The following TBC1D19 variants were observed in gnomAD, a reference collection of about 807,000 sequenced individuals.
TBC1D19 encodes TBC1 domain family member 19.
In TBC1D19, 60 loss-of-function variants were observed where a neutral mutation model predicts 89.0. The ratio of observed to expected loss-of-function variants is 0.67; its 90% confidence interval spans 0.55 to 0.84. TBC1D19 has a LOEUF of 0.84. TBC1D19 is among the 40% of genes least tolerant of loss of function. The probability of loss-of-function intolerance (pLI) is 0.00; values close to 1 mark genes in which losing one functional copy is unlikely to be tolerated. For missense variants in TBC1D19, 500 were observed against 610.8 expected (o/e 0.82, Z 1.91); for synonymous variants, 189 against 199.7 (o/e 0.95, Z 0.45).
chr4:26,782,862 G>A, the TBC1D19 span, among the ~76,000 whole-genome samples: 3 of 151,348 alleles, frequency 2.0e-5, no homozygotes, highest in Non-Finnish European at 4.4e-5. Flanking sequence ...TCAGGAAAGA[G>A]AATACAGATT....
intron 3 of TBC1D19, among the ~76,000 whole-genome samples, 186 bp from the exon 4 acceptor site, chr4:26,620,427 C>T (rs965310609): frequency 1.3e-5 from 2 of 152,174 alleles, no homozygotes; most frequent in Admixed American, 6.5e-5. Flanking sequence ...CCACCTTATA[C>T]TTAGTACCTA....
chr4:26,646,959 T>C (rs1257917056), intron 7 of TBC1D19, among the ~76,000 whole-genome samples: 1 of 152,090 alleles, frequency 6.6e-6, no homozygotes, highest in Non-Finnish European at 1.5e-5. Context: ...AAAAGAATAG[T>C]GACTGTACAT....
chr4:26,649,763 C>T (rs1744210273), intron 7 of TBC1D19, among the ~76,000 whole-genome samples: 1 of 151,582 alleles, frequency 6.6e-6, no homozygotes, highest in South Asian at 2.1e-4. Context: ...GCACAACGTG[C>T]AGGTTTGTTA....
intron 3 of TBC1D19, among the ~76,000 whole-genome samples, chr4:26,616,075 A>G (rs1418809223): frequency 1.3e-5 from 2 of 152,114 alleles, no homozygotes; most frequent in Non-Finnish European, 2.9e-5. Context: ...TAAGCAGTCC[A>G]GTGATATTAT....
chr4:26,763,220 C>T, the TBC1D19 span, among the ~76,000 whole-genome samples: 3 of 152,182 alleles, frequency 2.0e-5, no homozygotes, highest in African/African-American at 7.2e-5. Context: ...AAATGGACTT[C>T]CTCCTCAGCC....
intron 14 of TBC1D19, among the ~76,000 whole-genome samples, chr4:26,719,663 T>C (rs1390350288): frequency 6.6e-6 from 1 of 152,152 alleles, no homozygotes; most frequent in East Asian, 1.9e-4. Context: ...ACCATACAGC[T>C]AGTCATTTAA....
chr4:26,762,823 G>T, the TBC1D19 span, among the ~76,000 whole-genome samples: 1 of 152,158 alleles, frequency 6.6e-6, no homozygotes, highest in East Asian at 1.9e-4. Flanking sequence ...TTTAAAACTG[G>T]AGGAAAGGGC....
chr4:26,788,859 C>T, the TBC1D19 span, among the ~76,000 whole-genome samples: 1 of 152,162 alleles, frequency 6.6e-6, no homozygotes, highest in East Asian at 1.9e-4. Context: ...GAAGCTGCCT[C>T]TCAAATTCTC....
chr4:26,619,713 A>G (rs1560421926), intron 3 of TBC1D19, among the ~76,000 whole-genome samples: 1 of 152,246 alleles, frequency 6.6e-6, no homozygotes, highest in Non-Finnish European at 1.5e-5. Context: ...ATAATTTGCC[A>G]GAAATAATCA....
At chr4:26,584,438 CAAAAA>C in intron 1 of TBC1D19, 146 bp downstream of exon 1, 1 of 704,820 alleles carries the variant, frequency 1.4e-6, no homozygotes. Context: ...AAAACAAAAA[CAAAAA>C]CAAAAACAAA....
chr4:26,834,031 C>T, the TBC1D19 span, among the ~76,000 whole-genome samples: 6 of 152,150 alleles, frequency 3.9e-5, no homozygotes, highest in South Asian at 2.1e-4. Context: ...CTGTTGTTCT[C>T]GTGATAGTCA....
chr4:26,578,511 C>T (rs1739014154), intron 1 of TBC1D19, among the ~76,000 whole-genome samples: 2 of 151,622 alleles, frequency 1.3e-5, no homozygotes, highest in Non-Finnish European at 2.9e-5. Flanking sequence ...TCCCAGGTGG[C>T]AATGGAGGAA....
rs144347909 is a variant in TBC1D19, at chr4:26,646,868, C to T, written c.480+6681C>T. ...AGTTAATGAGTGCAGCAAACCAACA[C>T]GGGCACATGTATACATATGTAACAA... On this transcript the variant is annotated intron_variant, in intron 7 of 20. Coordinates refer to ENST00000264866, the MANE Select transcript of TBC1D19 (RefSeq NM_018317.4). Among the ~76,000 whole-genome samples the T allele has an allele frequency of 4.5e-4, 69 of 152,142 alleles. 1 individual carries two copies. The East Asian group carries it at 0.011, about 25-fold the overall frequency.
chr4:26,748,635 A>C (rs1718780013), intron 19 of TBC1D19, 109 bp downstream of exon 19: 1 of 807,178 alleles, frequency 1.2e-6, no homozygotes, highest in Non-Finnish European at 2.0e-6. Flanking sequence ...CTTCTAATTC[A>C]TGAACAATTA....
At chr4:26,604,567 T>C (rs1390238597) in intron 1 of TBC1D19, among the ~76,000 whole-genome samples, 1 of 151,896 alleles carries the variant, frequency 6.6e-6, no homozygotes, top group Non-Finnish European at 1.5e-5. Context: ...CACCTTTGGC[T>C]ATTGTTAATA....
chr4:26,816,471 A>G, the TBC1D19 span, among the ~76,000 whole-genome samples: 1 of 152,196 alleles, frequency 6.6e-6, no homozygotes, highest in Non-Finnish European at 1.5e-5. Flanking sequence ...TAATCCCCAA[A>G]TATCACCCCA....
At chr4:26,647,501 C>A (rs931567844) in intron 7 of TBC1D19, among the ~76,000 whole-genome samples, 2 of 152,188 alleles carry the variant, frequency 1.3e-5, no homozygotes, top group Non-Finnish European at 2.9e-5. Flanking sequence ...CTACTTCTAC[C>A]TTTTCCCACC....
At chr4:26,778,831 C>T in the TBC1D19 span, among the ~76,000 whole-genome samples, 2 of 152,164 alleles carry the variant, frequency 1.3e-5, no homozygotes, top group Non-Finnish European at 2.9e-5. Flanking sequence ...TTAAGAAACA[C>T]TGGTCTAGAG....
the TBC1D19 span, among the ~76,000 whole-genome samples, chr4:26,785,001 G>A: frequency 6.6e-6 from 1 of 152,142 alleles, no homozygotes; most frequent in East Asian, 1.9e-4. Context: ...TTGGGCCTAG[G>A]TCCTCCCTAG....
Sources: allele counts gnomAD v4.1 joint callset (sites outside exome capture counted in the v4.1 genomes callset), GRCh38; gene constraint gnomAD v4.1.1; transcripts MANE v1.5; gene names NCBI Gene and HGNC (gene_info 2026-07-23, HGNC 2026-07-21).